The following EPRS1 variants were observed in gnomAD, a reference collection of about 807,000 sequenced individuals.
The protein encoded by EPRS1 is bifunctional glutamate/proline--tRNA ligase.
A neutral mutation model predicts 188.3 loss-of-function variants in EPRS1; 107 were observed. That is an observed-to-expected ratio of 0.57 (90% CI 0.49 to 0.67). EPRS1 has a LOEUF of 0.67. Ranked by LOEUF, EPRS1 falls within the 30% of genes least tolerant of loss-of-function variation. The pLI is 0.00. For synonymous variants in EPRS1, 596 were observed against 593.1 expected (o/e 1.00, Z -0.07); for missense variants, 1,577 against 1,802.2 (o/e 0.88, Z 2.26).
chr1:220,022,296 C>A (rs1661892157), intron 9 of EPRS1, 51 bp downstream of exon 9: 1 of 1,503,026 alleles, frequency 6.7e-7, no homozygotes, highest in Non-Finnish European at 9.1e-7. Context: ...TAAAGAAGAT[C>A]AAAACAAAAG....
chr1:219,970,042 A>G (rs930971486), intron 30 of EPRS1, among the ~76,000 whole-genome samples: 11 of 152,108 alleles, frequency 7.2e-5, no homozygotes, highest in African/African-American at 2.4e-4. Flanking sequence ...GGCTGGTCTC[A>G]AACTCCTGGC....
At chr1:220,036,026 C>T (rs1212574597) in intron 2 of EPRS1, among the ~76,000 whole-genome samples, 2 of 152,044 alleles carry the variant, frequency 1.3e-5, no homozygotes, top group Admixed American at 1.3e-4. Flanking sequence ...ATGGTGAAAC[C>T]CCGTCTCTTC....
In EPRS1 at chr1:220,032,497, G is replaced by A; in HGVS notation, c.418C>T (p.Gln140Ter). 6.2e-7 allele frequency: 1 copy of A among 1,613,552 alleles called. No individual in the cohort carries two copies. The highest frequency in any genetic ancestry group is 8.5e-7 in the Non-Finnish European group (1 of 1,179,868). Reference protein sequence around the residue: ...GNAAWQEQLKQKKAPVHVKRW... With the variant: ...GNAAWQEQLK ...TTTACATGAACTGGAGCTTTCTTCT[G>A]TTTCAACTGTTCTTGCCAGGCAGCA... The change falls in exon 5 of 32, where the codon CAG (glutamine) becomes TAG (stop). Residue 140 changes from glutamine to a stop codon, truncating the protein, a stop_gained. Transcript: ENST00000366923. LOFTEE classifies it high-confidence loss of function.
At chr1:219,984,536 A>G (rs1218935391) in intron 20 of EPRS1, among the ~76,000 whole-genome samples, 1 of 152,146 alleles carries the variant, frequency 6.6e-6, no homozygotes, top group African/African-American at 2.4e-5. Context: ...CTCTCACCTC[A>G]GCCTCCCCAG....
Position 220,046,402 on chromosome 1 carries a change from C to T in EPRS1, c.-14G>A, listed in dbSNP as rs1662403612. The T allele has an allele frequency of 5.6e-6, 9 of 1,613,886 alleles. No homozygotes were observed. Among genetic ancestry groups the T allele is most frequent in the Non-Finnish European group, 7.6e-6 (9 of 1,180,004 alleles). ...GAGCGTCGCCATCTCCACCAGTCCG[C>T]TGGTCCACCTGTCAGTACGCCTGGC... is the stretch of plus-strand genomic sequence containing the variant. On this transcript the variant is annotated 5_prime_UTR_variant, in exon 1 of 32. Transcript: ENST00000366923.
Position 220,026,592 on chromosome 1 carries a change from G to A in EPRS1, c.624-1334C>T, listed in dbSNP as rs12081205. 5.9e-3 allele frequency among the ~76,000 whole-genome samples: 902 copies of A among 151,614 alleles called. 13 individuals are homozygous for A. The highest frequency in any genetic ancestry group is 0.02 in the African/African-American group (844 of 41,328). ...GTCGCCCAGGCTGGAGTGCAGTGGC[G>A]TGATCTCAGCTCACTGCAAGTTCTG... is the stretch of plus-strand genomic sequence containing the variant. On this transcript the variant is annotated intron_variant, in intron 6 of 31. Transcript: ENST00000366923.
At chr1:220,021,312 C>T (rs1365788402) in intron 9 of EPRS1, among the ~76,000 whole-genome samples, 4 of 151,996 alleles carry the variant, frequency 2.6e-5, no homozygotes, top group African/African-American at 9.7e-5. Context: ...CCTCAGTCTT[C>T]CAAGCAGCTA....
intron 25 of EPRS1, 116 bp from the exon 26 acceptor site, chr1:219,980,356 ACCTC>A: frequency 6.9e-6 from 5 of 724,204 alleles, no homozygotes; most frequent in Non-Finnish European, 1.1e-5. Context: ...AACAATAAAA[ACCTC>A]TTTTTATGAA....
intron 13 of EPRS1, among the ~76,000 whole-genome samples, chr1:220,010,670 C>T (rs1339078705): frequency 3.3e-5 from 5 of 151,746 alleles, no homozygotes; most frequent in Non-Finnish European, 5.9e-5. Flanking sequence ...ATTAGCTAGG[C>T]GTAGTGGGGG....
chr1:220,006,442 G>T lies in EPRS1; in HGVS notation c.1743-129C>A, dbSNP rs1186696743. The stretch of plus-strand genomic sequence containing the variant: ...GTTTTATTTTGTAATAAATGGATAA[G>T]AAATTTTCTTTGGAAAAATTCCAAA... On this transcript the variant is annotated intron_variant, in intron 14 of 31. Coordinates refer to ENST00000366923, the MANE Select transcript of EPRS1 (RefSeq NM_004446.3). The T allele has an allele frequency of 3.1e-5, 9 of 292,498 alleles. No homozygotes were observed. The East Asian group carries it at 4.1e-4, about 13-fold the overall frequency. 18.1% of individuals were successfully genotyped at this position (292,498 alleles called of 1,614,324 possible).
intron 4 of EPRS1, among the ~76,000 whole-genome samples, chr1:220,032,727 C>G (rs566025891): frequency 6.6e-6 from 1 of 152,220 alleles, no homozygotes; most frequent in South Asian, 2.1e-4. Context: ...ACCGTAGATA[C>G]AACCAACTGA....
chr1:220,043,753 CAAGTT>C (rs892587494), intron 1 of EPRS1, among the ~76,000 whole-genome samples: 6 of 152,160 alleles, frequency 3.9e-5, no homozygotes, highest in Non-Finnish European at 5.9e-5. Context: ...GGATATTCTT[CAAGTT>C]AAGTGGCCTG....
intron 28 of EPRS1, among the ~76,000 whole-genome samples, chr1:219,977,857 GCA>G (rs1398974760): frequency 6.6e-6 from 1 of 152,100 alleles, no homozygotes; most frequent in Non-Finnish European, 1.5e-5. Flanking sequence ...GCATGCAGCT[GCA>G]ATCTCAATAC....
At chr1:220,012,104 T>C (rs1661616753) in intron 12 of EPRS1, among the ~76,000 whole-genome samples, 1 of 152,042 alleles carries the variant, frequency 6.6e-6, no homozygotes, top group Non-Finnish European at 1.5e-5. Flanking sequence ...CTCAGAGAGG[T>C]CATTCACGCA....
chr1:220,010,304 T>G (rs1005489755), intron 13 of EPRS1, among the ~76,000 whole-genome samples: 1 of 152,094 alleles, frequency 6.6e-6, no homozygotes, highest in Non-Finnish European at 1.5e-5. Context: ...GATAGGAGCT[T>G]GAATTATAAC....
At chr1:220,033,290 CGGG>C in intron 4 of EPRS1, among the ~76,000 whole-genome samples, 2 of 6,476 alleles carry the variant, frequency 3.1e-4, no homozygotes, top group East Asian at 0.033. Flanking sequence ...AGACAGACGA[CGGG>C]ACGGCAGAAA....
chr1:220,005,272 C>T lies in EPRS1; in HGVS notation c.2039G>A (p.Cys680Tyr). 6.4e-7 allele frequency: 1 copy of T among 1,572,112 alleles called. No homozygotes were observed. The highest frequency in any genetic ancestry group is 8.7e-7 in the Non-Finnish European group (1 of 1,151,408). Residue 680 changes from cysteine to tyrosine, a missense_variant, in exon 16 of 32, where the codon TGT (cysteine) becomes TAT (tyrosine). Transcript: ENST00000366923. The part of the protein sequence containing the change: ...IQLQRRGFFI[C>Y]DQPYEPVSPY... ...CCTAACAGGTTCATAAGGTTGATCA[C>T]ATATGAAGAATCCTCTTCTCTGGAG...
chr1:220,020,048 T>C lies in EPRS1; in HGVS notation c.1289A>G (p.Asn430Ser), dbSNP rs1249267803. The C allele has an allele frequency of 2.5e-6, 4 of 1,614,130 alleles. No individual in the cohort carries two copies. The change falls in exon 10 of 32, where the codon AAC becomes AGC. Residue 430 changes from asparagine to serine, a missense_variant. By Grantham distance (46) the Asn-to-Ser change is conservative. This residue lies in a region of EPRS1 where 1,278 missense variants were observed against 1,457.4 expected (regional missense o/e 0.88). Coordinates refer to ENST00000366923, the MANE Select transcript of EPRS1 (RefSeq NM_004446.3). The stretch of plus-strand genomic sequence containing the variant: ...GAGTTTTCTTTTGGATAGCACTGTG[T>C]TGTTGAGATTTAGCCGACTATATTC... ...IWEYSRLNLN[N>S]TVLSKRKLTW... is the part of the protein sequence containing the mutation.
chr1:219,987,308 C>T lies in EPRS1; in HGVS notation c.2872G>A (p.Ala958Thr). 6.2e-7 allele frequency: 1 copy of T among 1,614,022 alleles called. No homozygotes were observed. The change falls in exon 20 of 32, where the codon GCT (alanine) becomes ACT (threonine). Residue 958 changes from alanine to threonine, a missense_variant. By Grantham distance (58) the Ala-to-Thr change is moderately conservative. This residue lies in a region of EPRS1 where 1,278 missense variants were observed against 1,457.4 expected (regional missense o/e 0.88). Transcript: ENST00000366923. ...TTCTTCTTCTTATCTTTGTCCTCAG[C>T]TCCAGTGGCCGACACAGGCTTATAC... is the stretch of plus-strand genomic sequence containing the variant. ...VEYKPVSATGAEDKDKKKKEK... is the reference protein window; with the variant it reads ...VEYKPVSATGTEDKDKKKKEK...
Sources: gnomAD v4.1 joint callset for allele counts (sites outside exome capture counted in the v4.1 genomes callset) on GRCh38, gnomAD v4.1.1 for gene constraint, gnomAD v4.1.1 regional missense constraint, MANE v1.5 for transcripts, NCBI Gene and HGNC (gene_info 2026-07-23, HGNC 2026-07-21) for gene names.